Variants in ANTXR1 observed in about 807,000 individuals in gnomAD.
ANTXR1 encodes anthrax toxin receptor 1.
Under a neutral mutation model 78.1 loss-of-function variants are expected in ANTXR1, and 19 were observed. That is an observed-to-expected ratio of 0.24 (90% CI 0.17 to 0.36). The LOEUF (loss-of-function observed/expected upper bound fraction) is 0.36, where lower values mean the gene tolerates loss of function less well. Ranked by LOEUF, ANTXR1 falls within the 10% of genes least tolerant of loss-of-function variation. The pLI is 1.00. For missense variants in ANTXR1, 518 were observed against 718.6 expected (o/e 0.72, Z 3.19); for synonymous variants, 273 against 260.5 (o/e 1.05, Z -0.46).
chr2:69,025,600 A>G (rs1671316560), intron 1 of ANTXR1, among the ~76,000 whole-genome samples: 1 of 151,946 alleles, frequency 6.6e-6, no homozygotes, highest in Non-Finnish European at 1.5e-5. Context: ...GTCTGCAGAA[A>G]TTATATAGTA....
intron 16 of ANTXR1, among the ~76,000 whole-genome samples, chr2:69,183,574 G>GTTT (rs55898655): frequency 3.3e-4 from 36 of 109,284 alleles, no homozygotes; most frequent in Non-Finnish European, 6.2e-4. Flanking sequence ...GCTAATTTTT[G>GTTT]TTTTTTTTTT....
intron 17 of ANTXR1, among the ~76,000 whole-genome samples, chr2:69,197,023 C>T (rs540796349): frequency 6.6e-6 from 1 of 152,352 alleles, no homozygotes; most frequent in African/African-American, 2.4e-5. Flanking sequence ...CACCCACCTC[C>T]TCAGAACCAT....
intron 17 of ANTXR1, among the ~76,000 whole-genome samples, chr2:69,206,210 G>A (rs767362211): frequency 4.1e-4 from 62 of 152,270 alleles, no homozygotes; most frequent in Non-Finnish European, 5.9e-4. Context: ...TGACACCCAG[G>A]CATTGACTGG....
intron 9 of ANTXR1, among the ~76,000 whole-genome samples, chr2:69,095,612 C>CA (rs1394842934): frequency 1.3e-5 from 2 of 152,162 alleles, no homozygotes; most frequent in African/African-American, 4.8e-5. Context: ...AGGAGACCAC[C>CA]ATGGAGGGGT....
chr2:69,103,021 C>T (rs763995063), intron 10 of ANTXR1, 81 bp downstream of exon 10: 10 of 1,330,000 alleles, frequency 7.5e-6, no homozygotes, highest in South Asian at 5.9e-5. Context: ...TCCAGCAAGG[C>T]CACACACATG....
chr2:69,099,534 G>A (rs1467681414), intron 9 of ANTXR1, among the ~76,000 whole-genome samples: 1 of 152,182 alleles, frequency 6.6e-6, no homozygotes, highest in African/African-American at 2.4e-5. Context: ...ATTTTTCAAA[G>A]AGGCCACAGC....
At chr2:69,242,822 A>G (rs1439500038) in intron 17 of ANTXR1, among the ~76,000 whole-genome samples, 1 of 152,278 alleles carries the variant, frequency 6.6e-6, no homozygotes, top group East Asian at 1.9e-4. Flanking sequence ...ATCCAGAATC[A>G]TAAATAAACT....
chr2:69,028,151 A>C (rs1184289581), intron 1 of ANTXR1, among the ~76,000 whole-genome samples: 1 of 152,138 alleles, frequency 6.6e-6, no homozygotes, highest in Non-Finnish European at 1.5e-5. Flanking sequence ...TCATTGCTAA[A>C]GTATAGTCTA....
At chr2:69,026,254 C>T (rs1257771786) in intron 1 of ANTXR1, among the ~76,000 whole-genome samples, 1 of 152,210 alleles carries the variant, frequency 6.6e-6, no homozygotes, top group Non-Finnish European at 1.5e-5. Context: ...AACATGGACT[C>T]TAAGTCTAGA....
At chr2:69,214,555 C>T (rs1675131247) in intron 17 of ANTXR1, among the ~76,000 whole-genome samples, 1 of 152,174 alleles carries the variant, frequency 6.6e-6, no homozygotes, top group Admixed American at 6.5e-5. Context: ...TCCTTCCTCC[C>T]CCAGCTAGGC....
chr2:69,140,133 C>T (rs766282336), intron 12 of ANTXR1, among the ~76,000 whole-genome samples: 1 of 152,206 alleles, frequency 6.6e-6, no homozygotes, highest in Non-Finnish European at 1.5e-5. Flanking sequence ...AATGTCATGA[C>T]TGGGTCAGGG....
intron 12 of ANTXR1, among the ~76,000 whole-genome samples, chr2:69,126,265 A>G (rs1672534544): frequency 6.6e-6 from 1 of 152,226 alleles, no homozygotes. Context: ...TTGTAAAGGT[A>G]CAGATGATGG....
At chr2:69,231,072 C>T (rs980968304) in intron 17 of ANTXR1, among the ~76,000 whole-genome samples, 8 of 152,184 alleles carry the variant, frequency 5.3e-5, no homozygotes, top group Non-Finnish European at 1.2e-4. Context: ...GTTTTCTGTT[C>T]CTGCTTTAGT....
chr2:69,202,079 G>A (rs528724375), intron 17 of ANTXR1, among the ~76,000 whole-genome samples: 1 of 152,284 alleles, frequency 6.6e-6, no homozygotes, highest in South Asian at 2.1e-4. Flanking sequence ...GAGAGTCATT[G>A]GCCATGGCAG....
intron 1 of ANTXR1, among the ~76,000 whole-genome samples, chr2:69,014,790 C>A (rs1163453733): frequency 6.6e-6 from 1 of 152,138 alleles, no homozygotes; most frequent in East Asian, 1.9e-4. Context: ...TAGCTAGACA[C>A]CAAATGTGCT....
chr2:69,227,593 T>C (rs1417577517), intron 17 of ANTXR1, among the ~76,000 whole-genome samples: 2 of 152,172 alleles, frequency 1.3e-5, no homozygotes, highest in Admixed American at 6.5e-5. Flanking sequence ...TATCGAACTT[T>C]TTTTTCCCCT....
At chr2:69,111,780 C>T (rs955937879) in intron 10 of ANTXR1, among the ~76,000 whole-genome samples, 5 of 152,308 alleles carry the variant, frequency 3.3e-5, no homozygotes, top group African/African-American at 4.8e-5. Flanking sequence ...CGAACGTAGA[C>T]GTTCCAGAGG....
chr2:69,172,501 G>A (rs1674017261), intron 14 of ANTXR1: 1 of 1,458,440 alleles, frequency 6.9e-7, no homozygotes, highest in African/African-American at 1.4e-5. Context: ...TTTTCCTCTA[G>A]TTCCCTGTAT....
intron 12 of ANTXR1, among the ~76,000 whole-genome samples, chr2:69,141,827 C>T (rs1673077069): frequency 6.6e-6 from 1 of 152,076 alleles, no homozygotes; most frequent in Non-Finnish European, 1.5e-5. Context: ...GGCTTTTTGC[C>T]TGGTCCCAGC....
Sources: allele counts gnomAD v4.1 joint callset (sites outside exome capture counted in the v4.1 genomes callset), GRCh38; gene constraint gnomAD v4.1.1; transcripts MANE v1.5; gene names NCBI Gene and HGNC (gene_info 2026-07-23, HGNC 2026-07-21).